Variants in CREB3L1 observed in about 807,000 individuals in gnomAD.
CREB3L1 encodes cAMP responsive element binding protein 3 like 1, also known as cyclic AMP-responsive element-binding protein 3-like protein 1.
A neutral mutation model predicts 54.5 loss-of-function variants in CREB3L1; 33 were observed. The observed-to-expected ratio is 0.61, with a 90% CI of 0.46 to 0.81. The LOEUF is 0.81. Ranked by LOEUF, CREB3L1 falls within the 30% of genes least tolerant of loss-of-function variation. CREB3L1 has a pLI of 0.00. For synonymous variants in CREB3L1, 284 were observed against 286.4 expected, an observed-to-expected ratio of 0.99 and a Z score of 0.08; for missense variants, 656 against 673.3, an observed-to-expected ratio of 0.97 and a Z score of 0.29.
intron 10 of CREB3L1, among the ~76,000 whole-genome samples, chr11:46,319,745 G>C (rs1200445642): frequency 6.6e-6 from 1 of 152,052 alleles, no homozygotes; most frequent in Non-Finnish European, 1.5e-5. Flanking sequence ...CAGGTATGGT[G>C]GCACACACCT....
chr11:46,282,461 T>C (rs1938993351), intron 1 of CREB3L1, among the ~76,000 whole-genome samples: 1 of 152,186 alleles, frequency 6.6e-6, no homozygotes, highest in Non-Finnish European at 1.5e-5. Context: ...TTCCCCAGTT[T>C]CTTCTTCAGA....
rs140081271 is a variant in CREB3L1 at position 46,290,481 on chromosome 11, G to GCCTT, written c.103-9452_103-9449dup. On this transcript the variant is annotated intron_variant, in intron 1 of 11. Transcript: ENST00000621158. ...CAGCCCTGCCCTCTGCCGCCCCAAG[G>GCCTT]CCTTCACCCCTTTCTCTCCAGGGCT... is the stretch of plus-strand genomic sequence containing the variant. 7.1e-3 allele frequency among the ~76,000 whole-genome samples: 1,081 copies of GCCTT among 151,854 alleles called. 23 individuals carry two copies. The highest frequency in any genetic ancestry group is 0.025 in the African/African-American group (1,038 of 41,380).
intron 2 of CREB3L1, among the ~76,000 whole-genome samples, chr11:46,306,281 C>T (rs1590347189): frequency 1.3e-5 from 2 of 152,084 alleles, no homozygotes; most frequent in African/African-American, 4.8e-5. Context: ...TTCAGGAGGC[C>T]GAGGTGGGTG....
Position 46,317,633 on chromosome 11 carries a change from C to T in CREB3L1, c.1258+146C>T, listed in dbSNP as rs11038860. 0.4 allele frequency: 409,464 copies of T among 1,028,744 alleles called. 92,210 individuals carry two copies. Among genetic ancestry groups the T allele is most frequent in the African/African-American group, 0.86 (53,236 of 61,836 alleles). 63.7% of individuals were successfully genotyped at this position (1,028,744 alleles called of 1,614,324 possible). A position where few individuals can be genotyped will look rare whatever the true frequency, so the allele number is the denominator to read the frequency against. On this transcript the variant is annotated intron_variant, in intron 10 of 11. Transcript: ENST00000621158. ...TGCCTCATTTTCCAGATGGGGAAACCGAGGCCCAAAGAGAGTCTATGCTTT... is the reference window on the plus strand; with the variant it reads ...TGCCTCATTTTCCAGATGGGGAAACTGAGGCCCAAAGAGAGTCTATGCTTT...
chr11:46,285,546 T>G (rs1421886625), intron 1 of CREB3L1, among the ~76,000 whole-genome samples: 1 of 152,162 alleles, frequency 6.6e-6, no homozygotes, highest in Non-Finnish European at 1.5e-5. Flanking sequence ...TTCTTTGGAA[T>G]GTCAAAGATC....
chr11:46,308,271 C>T (rs906882270), intron 3 of CREB3L1, among the ~76,000 whole-genome samples: 10 of 152,128 alleles, frequency 6.6e-5, no homozygotes, highest in African/African-American at 1.9e-4. Context: ...GGGCTCCAGG[C>T]AGGGGTGGCA....
intron 1 of CREB3L1, among the ~76,000 whole-genome samples, chr11:46,290,579 T>C (rs908869732): frequency 6.6e-6 from 1 of 151,480 alleles, no homozygotes; most frequent in East Asian, 1.9e-4. Flanking sequence ...TTAGCTCCCA[T>C]CTCCTTCCAC....
Position 46,295,821 on chromosome 11 carries a change from A to G in CREB3L1, c.103-4114A>G, listed in dbSNP as rs1218639360. On this transcript the variant is annotated intron_variant, in intron 1 of 11. Transcript: ENST00000621158. The surrounding 1 kb of genome is among the most constrained non-coding windows in gnomAD (Gnocchi z 4.6). The stretch of plus-strand genomic sequence containing the variant: ...ATTTAAAGGGCGGGCGGCTGAGGCC[A>G]GGCTCCAAGAGAGGGTGCAGCCGAG... 6.6e-6 allele frequency among the ~76,000 whole-genome samples: 1 copy of G among 152,214 alleles called. No homozygotes were observed. Among genetic ancestry groups the G allele is most frequent in the African/African-American group, 2.4e-5 (1 of 41,456 alleles).
rs1369075227 is a variant in CREB3L1, at chr11:46,278,417, T to C, written c.102+204T>C. Among the ~76,000 whole-genome samples, 1 of 152,168 alleles carries C rather than the reference T, an allele frequency of 6.6e-6. No individual in the cohort carries two copies. On this transcript the variant is annotated intron_variant, in intron 1 of 11. Coordinates refer to ENST00000621158, the MANE Select transcript of CREB3L1 (RefSeq NM_052854.4). The surrounding 1 kb of genome is among the most constrained non-coding windows in gnomAD (Gnocchi z 4.2). ...TTTGAATACACTGGCCTCCACCTTC[T>C]AGGGGGAAGGGGCCATCGAGGTATC...
intron 1 of CREB3L1, among the ~76,000 whole-genome samples, chr11:46,290,039 C>T (rs138106243): frequency 6.6e-6 from 1 of 152,282 alleles, no homozygotes; most frequent in East Asian, 1.9e-4. Flanking sequence ...ACTCCAGGTC[C>T]CTTCTCTCCT....
At chr11:46,311,274 G>A in intron 5 of CREB3L1, 85 bp downstream of exon 5, 1 of 1,408,312 alleles carries the variant, frequency 7.1e-7, no homozygotes, top group South Asian at 1.5e-5. Context: ...GAGGGTTTGG[G>A]GAGCCCCGAG....
chr11:46,313,856 C>G (rs1244760091), intron 8 of CREB3L1, among the ~76,000 whole-genome samples: 4 of 152,132 alleles, frequency 2.6e-5, no homozygotes, highest in Non-Finnish European at 4.4e-5. Flanking sequence ...TGGGTTCTTA[C>G]GCTGCTCTGC....
chr11:46,293,315 G>A (rs547594438), intron 1 of CREB3L1, among the ~76,000 whole-genome samples: 5 of 152,180 alleles, frequency 3.3e-5, no homozygotes, highest in African/African-American at 7.2e-5. Flanking sequence ...CCTGGGCGGC[G>A]GCACTCGCTG....
At chr11:46,316,873 G>A (rs866766152) in intron 9 of CREB3L1, among the ~76,000 whole-genome samples, 1 of 152,214 alleles carries the variant, frequency 6.6e-6, no homozygotes, top group African/African-American at 2.4e-5. Flanking sequence ...GCCTGGCTCA[G>A]CATGCCCCGG....
At chr11:46,311,254 G>C in intron 5 of CREB3L1, 65 bp downstream of exon 5, 1 of 1,434,720 alleles carries the variant, frequency 7.0e-7, no homozygotes, top group Non-Finnish European at 9.1e-7. Flanking sequence ...TGAGCACACT[G>C]GCCAGTCAGG....
chr11:46,278,590 TC>T lies in CREB3L1; in HGVS notation c.102+378del, dbSNP rs1308736782. Among the ~76,000 whole-genome samples the T allele has an allele frequency of 3.9e-5, 6 of 152,306 alleles. No homozygotes were observed. In the East Asian group the frequency reaches 1.2e-3, roughly 29 times the overall value. ...CCTTTCCTGCGCCTCCCTTGGGGCT[TC>T]GGTGGCTCATAGGCTGGATCTCCGC... is the stretch of plus-strand genomic sequence containing the variant. On this transcript the variant is annotated intron_variant, in intron 1 of 11. Coordinates refer to ENST00000621158, the MANE Select transcript of CREB3L1 (RefSeq NM_052854.4). This position sits in a 1 kb window ranked among gnomAD's most constrained non-coding sequence, Gnocchi z 4.2.
intron 10 of CREB3L1, among the ~76,000 whole-genome samples, chr11:46,319,410 A>G (rs1293546431): frequency 6.6e-6 from 1 of 152,244 alleles, no homozygotes; most frequent in Non-Finnish European, 1.5e-5. Flanking sequence ...GCGGGGCTAA[A>G]GAAACCTCAT....
chr11:46,281,420 T>C (rs987842078), intron 1 of CREB3L1, among the ~76,000 whole-genome samples: 1 of 152,202 alleles, frequency 6.6e-6, no homozygotes, highest in Non-Finnish European at 1.5e-5. Context: ...CTGGCTTCTC[T>C]AGAGGGAACT....
At chr11:46,302,350 C>A (rs897960142) in intron 2 of CREB3L1, among the ~76,000 whole-genome samples, 5 of 152,176 alleles carry the variant, frequency 3.3e-5, no homozygotes, top group Non-Finnish European at 5.9e-5. Flanking sequence ...TCCTCTCCCC[C>A]TAACTCCATC....
Sources: allele counts gnomAD v4.1 joint callset (sites outside exome capture counted in the v4.1 genomes callset), GRCh38; gene constraint gnomAD v4.1.1; non-coding constraint Gnocchi (gnomAD v3.1); transcripts MANE v1.5; gene names NCBI Gene and HGNC (gene_info 2026-07-23, HGNC 2026-07-21).